The following SACS variants were observed in gnomAD, a reference collection of about 807,000 sequenced individuals.
The protein encoded by SACS is sacsin molecular chaperone.
In SACS, 197 loss-of-function variants were observed where a neutral mutation model predicts 348.0. The ratio of observed to expected loss-of-function variants is 0.57; its 90% confidence interval spans 0.50 to 0.64. The LOEUF (loss-of-function observed/expected upper bound fraction) is 0.64, where lower values mean the gene tolerates loss of function less well. Among genes scored for constraint, SACS ranks in the 30% least tolerant of loss-of-function variants. SACS has a pLI of 0.00. For synonymous variants in SACS, 1,985 were observed against 1,910.6 expected, an observed-to-expected ratio of 1.04 and a Z score of -1.02; for missense variants, 4,999 against 5,360.8, an observed-to-expected ratio of 0.93 and a Z score of 2.11.
intron 6 of SACS, among the ~76,000 whole-genome samples, chr13:23,360,696 A>G (rs1355566647): frequency 2.0e-5 from 3 of 151,992 alleles, no homozygotes; most frequent in African/African-American, 4.8e-5. Flanking sequence ...AAAAATGCAA[A>G]TAAGTAAGTG....
At chr13:23,425,240 T>A (rs1259276551) in intron 1 of SACS, among the ~76,000 whole-genome samples, 2 of 151,884 alleles carry the variant, frequency 1.3e-5, no homozygotes, top group Non-Finnish European at 2.9e-5. Flanking sequence ...TGTGTCCACC[T>A]GGGACCTGAC....
Position 23,354,262 on chromosome 13 carries a change from T to G in SACS, c.2093+257A>C, listed in dbSNP as rs1215486256. On this transcript the variant is annotated intron_variant, in intron 8 of 9. Coordinates refer to ENST00000382292, the MANE Select transcript of SACS (RefSeq NM_014363.6). The stretch of plus-strand genomic sequence containing the variant: ...TTATTTGCACTTTATAAACATTGTT[T>G]TCAGTGTTCTGCTATTGAAATTTCC... 2.6e-5 allele frequency among the ~76,000 whole-genome samples: 4 copies of G among 152,228 alleles called. 1 individual carries two copies. Among genetic ancestry groups the G allele is most frequent in the Non-Finnish European group, 2.9e-5 (2 of 68,028 alleles).
At chr13:23,361,123 A>G (rs1030889481) in intron 6 of SACS, among the ~76,000 whole-genome samples, 11 of 152,134 alleles carry the variant, frequency 7.2e-5, no homozygotes, top group African/African-American at 2.7e-4. Flanking sequence ...AAGAGGAAAC[A>G]TGGTGAAAAT....
intron 2 of SACS, among the ~76,000 whole-genome samples, chr13:23,392,307 A>C (rs1042554552): frequency 6.6e-6 from 1 of 152,214 alleles, no homozygotes; most frequent in East Asian, 1.9e-4. Flanking sequence ...GAGGGATGAC[A>C]GTGGCAAAAA....
intron 6 of SACS, among the ~76,000 whole-genome samples, chr13:23,364,799 C>G (rs774491436): frequency 1.3e-5 from 2 of 152,086 alleles, no homozygotes; most frequent in African/African-American, 4.8e-5. Flanking sequence ...ACTCCTAAAG[C>G]GGAAAATACA....
In SACS at chr13:23,333,103, T is replaced by C. The variant is rs1465126175; in HGVS notation, c.10773A>G (p.Leu3591=). The C allele has an allele frequency of 2.5e-6, 4 of 1,613,804 alleles. No homozygotes were observed. Among genetic ancestry groups the C allele is most frequent in the Non-Finnish European group, 3.4e-6 (4 of 1,179,778 alleles). Residue 3591 remains leucine, a synonymous_variant, in exon 10 of 10, where the codon CTA becomes CTG. Coordinates refer to ENST00000382292, the MANE Select transcript of SACS (RefSeq NM_014363.6). ...ACTGCTGCTGAGAAAGTATGTATTT[T>C]AGTCCAATATTTCTTAAGAATTCCA... ...SWVEFLRNIG[L]KYILSQQQLL...
At chr13:23,361,585 T>C (rs1870736502) in intron 6 of SACS, among the ~76,000 whole-genome samples, 2 of 152,142 alleles carry the variant, frequency 1.3e-5, no homozygotes, top group Admixed American at 6.5e-5. Flanking sequence ...GAGACCAGCC[T>C]GGCCAACATG....
At chr13:23,405,272 C>T (rs760149862) in intron 2 of SACS, among the ~76,000 whole-genome samples, 3 of 152,196 alleles carry the variant, frequency 2.0e-5, no homozygotes, top group African/African-American at 4.8e-5. Context: ...CTACAACCAT[C>T]TGAACTTTGA....
intron 5 of SACS, among the ~76,000 whole-genome samples, chr13:23,368,067 G>C (rs1871169699): frequency 6.6e-6 from 1 of 151,796 alleles, no homozygotes; most frequent in Non-Finnish European, 1.5e-5. Context: ...TGGCCGGTTG[G>C]CTGGCTGGCT....
At chr13:23,428,746 C>T (rs1415255408) in intron 1 of SACS, 1 of 152,186 alleles carries the variant, frequency 6.6e-6, no homozygotes, top group Non-Finnish European at 1.5e-5. Context: ...CAAATCCCTT[C>T]TGTGTCATAC....
chr13:23,404,648 T>G (rs1873125123), intron 2 of SACS, among the ~76,000 whole-genome samples: 1 of 152,210 alleles, frequency 6.6e-6, no homozygotes, highest in Admixed American at 6.5e-5. Context: ...TATTTGCAGA[T>G]GACATGATTG....
chr13:23,380,122 C>CGTGTGTGTGTGT (rs34243922), intron 2 of SACS, among the ~76,000 whole-genome samples: 2,223 of 116,204 alleles, frequency 0.019, 59 homozygotes, highest in African/African-American at 0.058. Context: ...GGGATTCCCT[C>CGTGTGTGTGTGT]GTGTGTGTGT....
At chr13:23,357,514 C>T (rs550738416) in intron 7 of SACS, among the ~76,000 whole-genome samples, 10 of 152,120 alleles carry the variant, frequency 6.6e-5, no homozygotes, top group Non-Finnish European at 1.5e-4. Flanking sequence ...ATAGTACCAC[C>T]CTCCTTCACT....
intron 5 of SACS, 38 bp from the exon 6 acceptor site, chr13:23,365,315 C>T (rs1297355643): frequency 1.8e-6 from 2 of 1,131,356 alleles, no homozygotes; most frequent in Admixed American, 2.0e-5. Context: ...TAATTAATAA[C>T]ACAGTAATCT....
Position 23,333,825 on chromosome 13 carries a change from G to C in SACS, c.10051C>G (p.His3351Asp), listed in dbSNP as rs763451716. ...DSAFVPLLSCHTANIESPTSI... is the reference protein window; with the variant it reads ...DSAFVPLLSCDTANIESPTSI... ...GTGGGGCTCTCTATATTTGCTGTGT[G>C]ACATGACAACAAAGGAACAAATGCA... The change falls in exon 10 of 10, where the codon CAC becomes GAC. Residue 3351 changes from histidine to aspartate, a missense_variant. By Grantham distance (81) the His-to-Asp change is moderately conservative. Around this residue, in one of 6 missense-constraint regions of SACS, gnomAD observed 734 missense variants for 694.0 expected, o/e 1.06. Transcript: ENST00000382292. The C allele has an allele frequency of 4.3e-6, 7 of 1,613,698 alleles. No homozygotes were observed.
At chr13:23,403,198 C>G (rs112915426) in intron 2 of SACS, among the ~76,000 whole-genome samples, 1,625 of 151,980 alleles carry the variant, frequency 0.011, 23 homozygotes, top group African/African-American at 0.037. Flanking sequence ...AAAAGTCCTT[C>G]TCACAAGTTC....
chr13:23,352,847 C>T (rs986540595), intron 9 of SACS, among the ~76,000 whole-genome samples: 2 of 152,202 alleles, frequency 1.3e-5, no homozygotes, highest in African/African-American at 4.8e-5. Flanking sequence ...TTTTCTTTTA[C>T]TCTCACTTTA....
intron 1 of SACS, among the ~76,000 whole-genome samples, chr13:23,421,627 C>G (rs1265809119): frequency 2.0e-5 from 3 of 152,058 alleles, no homozygotes; most frequent in Non-Finnish European, 4.4e-5. Context: ...GGATGTGAGC[C>G]TGGTGCCTGA....
rs764516069 is a variant in SACS at position 23,354,569 on chromosome 13, TGAG to T, written c.2040_2042del (p.Ser682del). 8 of 1,614,102 alleles carry T rather than the reference TGAG, an allele frequency of 5.0e-6. No individual in the cohort carries two copies. Among genetic ancestry groups the T allele is most frequent in the South Asian group, 3.3e-5 (3 of 91,076 alleles). On this transcript the variant is annotated inframe_deletion, in exon 8 of 10. Transcript: ENST00000382292. ...AAATGACATCTTGGTCTGATACAGA[TGAG>T]GAGAAGGGGACAAAATTGCCATTTT... is the stretch of plus-strand genomic sequence containing the variant.
Sources: gnomAD v4.1 joint callset for allele counts (sites outside exome capture counted in the v4.1 genomes callset) on GRCh38, gnomAD v4.1.1 for gene constraint, gnomAD v4.1.1 regional missense constraint, MANE v1.5 for transcripts, NCBI Gene and HGNC (gene_info 2026-07-23, HGNC 2026-07-21) for gene names.